Variants in PDE10A observed in about 807,000 individuals in gnomAD.
The protein encoded by PDE10A is cAMP and cAMP-inhibited cGMP 3',5'-cyclic phosphodiesterase 10A.
Under a neutral mutation model 97.7 loss-of-function variants are expected in PDE10A, and 39 were observed. The ratio of observed to expected loss-of-function variants is 0.40; its 90% CI spans 0.31 to 0.52. The LOEUF (loss-of-function observed/expected upper bound fraction) is 0.52, where lower values mean the gene tolerates loss of function less well. Ranked by LOEUF, PDE10A falls within the 20% of genes least tolerant of loss-of-function variation. The probability of loss-of-function intolerance (pLI) is 0.56; values close to 1 mark genes in which losing one functional copy is unlikely to be tolerated. For synonymous variants in PDE10A, 371 were observed against 376.8 expected (o/e 0.98, Z 0.18); for missense variants, 731 against 1,047.8 (o/e 0.70, Z 4.17).
intron 1 of PDE10A, among the ~76,000 whole-genome samples, chr6:165,783,956 A>T (rs1164406345): frequency 6.6e-6 from 1 of 152,198 alleles, no homozygotes; most frequent in African/African-American, 2.4e-5. Flanking sequence ...GCGGTGGCTC[A>T]CGCATGTAAT....
At chr6:165,409,164 CA>C (rs61455081) in intron 13 of PDE10A, among the ~76,000 whole-genome samples, 16,094 of 107,892 alleles carry the variant, frequency 0.15, 795 homozygotes, top group Non-Finnish European at 0.16. Context: ...GACTCCATCT[CA>C]AAAAAAAAAA....
rs773639752 is a variant in PDE10A at position 165,431,412 on chromosome 6, A to G, written c.1542+10T>C. 27 of 1,590,466 alleles carry G rather than the reference A, an allele frequency of 1.7e-5. No individual in the cohort carries two copies. Among genetic ancestry groups the G allele is most frequent in the East Asian group, 2.3e-5 (1 of 44,232 alleles). On this transcript the variant is annotated intron_variant, in intron 8 of 21. Coordinates refer to ENST00000539869, the MANE Select transcript of PDE10A (RefSeq NM_001385079.1). The stretch of plus-strand genomic sequence containing the variant: ...TAGGAAGCCCCTGCAAAAACACCCC[A>G]AAGACTCACCTGCACCTGATGTATT...
intron 1 of PDE10A, among the ~76,000 whole-genome samples, chr6:165,853,403 T>C (rs1245292172): frequency 6.6e-6 from 1 of 152,228 alleles, no homozygotes; most frequent in African/African-American, 2.4e-5. Context: ...AAAATCCAGT[T>C]TCAAAAATTT....
At chr6:165,394,608 G>T (rs1364373267) in intron 15 of PDE10A, among the ~76,000 whole-genome samples, 2 of 152,116 alleles carry the variant, frequency 1.3e-5, no homozygotes, top group Middle Eastern at 3.2e-3. Flanking sequence ...AGGTCAAATG[G>T]TATTTCTAGT....
chr6:165,535,717 CACAGGTATCTTTTCT>C (rs1335970356), intron 2 of PDE10A, among the ~76,000 whole-genome samples: 3 of 149,574 alleles, frequency 2.0e-5, no homozygotes, highest in Non-Finnish European at 4.5e-5. Context: ...AACATACAAG[CACAGGTATCTTTTCT>C]ATATAATGAT....
rs1783631566 is a variant in PDE10A, at chr6:165,943,290, A to AAG, written c.-615+44238_-615+44239insCT. The stretch of plus-strand genomic sequence containing the variant: ...AGGAAGGAAGGAAAGAAAGAAAGAA[A>AAG]GAAGGAAAGAAAGAAAGAAGGAAGG... On this transcript the variant is annotated intron_variant, in intron 1 of 19. Transcript: ENST00000366882. Among the ~76,000 whole-genome samples, 34 of 81,892 alleles carry AAG rather than the reference A, an allele frequency of 4.2e-4. 1 individual carries two copies. Among genetic ancestry groups the AAG allele is most frequent in the Non-Finnish European group, 6.7e-4 (28 of 41,730 alleles). The allele number at this position is 81,892 out of a possible 152,430, so 53.7% of individuals were successfully genotyped here. A position where few individuals can be genotyped will look rare whatever the true frequency, so the allele number is the denominator to read the frequency against.
chr6:165,964,624 T>C (rs1474004764), intron 1 of PDE10A, among the ~76,000 whole-genome samples: 3 of 152,202 alleles, frequency 2.0e-5, no homozygotes, highest in Admixed American at 6.5e-5. Flanking sequence ...CCAGCGAGCG[T>C]CCTAGGCACA....
At chr6:165,575,197 A>G (rs951295303) in intron 1 of PDE10A, among the ~76,000 whole-genome samples, 3 of 152,136 alleles carry the variant, frequency 2.0e-5, no homozygotes, top group Non-Finnish European at 4.4e-5. Flanking sequence ...CCCACCCCAC[A>G]CTAGGTAAAC....
intron 1 of PDE10A, among the ~76,000 whole-genome samples, chr6:165,632,850 G>A (rs1695155302): frequency 6.6e-6 from 1 of 152,148 alleles, no homozygotes; most frequent in South Asian, 2.1e-4. Flanking sequence ...ATCTGTGGGA[G>A]ATCATTTTGC....
rs1410070771 is a variant in PDE10A, at chr6:165,329,422, T to A, written c.*3603A>T. On this transcript the variant is annotated 3_prime_UTR_variant, in exon 22 of 22. Transcript: ENST00000539869. Reference sequence around the variant, plus strand: ...CAAGAAAAGCAAAATAATAAATACATGAATGAAGAAGTAAAATTGCAGTAT... The same window carrying A: ...CAAGAAAAGCAAAATAATAAATACAAGAATGAAGAAGTAAAATTGCAGTAT... The A allele has an allele frequency of 6.6e-6, 1 of 152,170 alleles. No homozygotes were observed. The highest frequency in any genetic ancestry group is 2.4e-5 in the African/African-American group (1 of 41,428). The allele number at this position is 152,170 out of a possible 1,614,324, so 9.4% of individuals were successfully genotyped here.
At chr6:165,522,842 C>A (rs1782210858) in intron 2 of PDE10A, among the ~76,000 whole-genome samples, 1 of 152,058 alleles carries the variant, frequency 6.6e-6, no homozygotes, top group African/African-American at 2.4e-5. Flanking sequence ...TATCGCTCAT[C>A]ACTGATGATA....
chr6:165,727,308 T>C (rs1003088568), intron 1 of PDE10A, among the ~76,000 whole-genome samples: 1 of 152,242 alleles, frequency 6.6e-6, no homozygotes, highest in Non-Finnish European at 1.5e-5. Context: ...GTCACGCTTC[T>C]GGCTCACAAG....
intron 1 of PDE10A, among the ~76,000 whole-genome samples, chr6:165,699,816 G>A (rs2128443400): frequency 6.6e-6 from 1 of 152,148 alleles, no homozygotes; most frequent in African/African-American, 2.4e-5. Flanking sequence ...AAAACTTATG[G>A]GACGCAGCTA....
At chr6:165,651,603 A>G (rs1429981503) in intron 1 of PDE10A, among the ~76,000 whole-genome samples, 1 of 152,202 alleles carries the variant, frequency 6.6e-6, no homozygotes, top group Non-Finnish European at 1.5e-5. Flanking sequence ...ATTTGGGGCA[A>G]TACCAAGGTG....
intron 1 of PDE10A, among the ~76,000 whole-genome samples, chr6:165,809,446 A>T (rs1779221949): frequency 6.6e-6 from 1 of 152,056 alleles, no homozygotes; most frequent in East Asian, 1.9e-4. Context: ...CCCTCCACTC[A>T]GCATGCTTTG....
At chr6:165,497,753 C>T (rs1780623044) in intron 2 of PDE10A, among the ~76,000 whole-genome samples, 1 of 152,120 alleles carries the variant, frequency 6.6e-6, no homozygotes, top group Admixed American at 6.5e-5. Context: ...AAATCTACCC[C>T]AGAGAGGCCA....
chr6:165,713,262 A>G (rs1047171453), intron 1 of PDE10A, among the ~76,000 whole-genome samples: 13 of 152,222 alleles, frequency 8.5e-5, no homozygotes, highest in Admixed American at 1.3e-4. Flanking sequence ...GGGCACCTGC[A>G]GTGTGAATTT....
chr6:165,689,037 T>C (rs1221173639), intron 1 of PDE10A, among the ~76,000 whole-genome samples: 2 of 152,246 alleles, frequency 1.3e-5, no homozygotes, highest in African/African-American at 4.8e-5. Context: ...ACACCCTCCA[T>C]TGGCACGGCT....
rs1298426752 is a variant in PDE10A at position 165,984,711 on chromosome 6, TTTC to T, written c.-615+2815_-615+2817del. Among the ~76,000 whole-genome samples, 4 of 152,350 alleles carry T rather than the reference TTTC, an allele frequency of 2.6e-5. No homozygotes were observed. In the East Asian group the frequency reaches 7.7e-4, roughly 29 times the overall value. ...ATTTCTTACCAAATGCCATTTTTTTTTTCAGTAAAAGTAACTTAAGAAATGCCC... is the reference window on the plus strand; with the variant it reads ...ATTTCTTACCAAATGCCATTTTTTTTAGTAAAAGTAACTTAAGAAATGCCC... On this transcript the variant is annotated intron_variant, in intron 1 of 19. Transcript: ENST00000366882.
Sources: allele counts gnomAD v4.1 joint callset (sites outside exome capture counted in the v4.1 genomes callset), GRCh38; gene constraint gnomAD v4.1.1; transcripts MANE v1.5; gene names NCBI Gene and HGNC (gene_info 2026-07-23, HGNC 2026-07-21).